Variants in FNTB observed in about 807,000 individuals in gnomAD.
FNTB encodes the protein farnesyltransferase, CAAX box, subunit beta.
A neutral mutation model predicts 59.4 loss-of-function variants in FNTB; 27 were observed. The ratio of observed to expected loss-of-function variants is 0.45; its 90% confidence interval spans 0.34 to 0.63. The LOEUF is 0.63. Ranked by LOEUF, FNTB falls within the 20% of genes least tolerant of loss-of-function variation. FNTB has a pLI of 0.02. For synonymous variants in FNTB, 230 were observed against 220.7 expected, an observed-to-expected ratio of 1.04 and a Z score of -0.37; for missense variants, 449 against 559.6, an observed-to-expected ratio of 0.80 and a Z score of 1.99.
In FNTB at chr14:65,009,767, T is replaced by C. The variant is rs897244287; in HGVS notation, c.210-2550T>C. Among the ~76,000 whole-genome samples, 8 of 152,206 alleles carry C rather than the reference T, an allele frequency of 5.3e-5. No individual in the cohort carries two copies. The highest frequency in any genetic ancestry group is 1.9e-4 in the African/African-American group (8 of 41,446). On this transcript the variant is annotated intron_variant, in intron 2 of 11. Coordinates refer to ENST00000246166, the MANE Select transcript of FNTB (RefSeq NM_002028.4). The surrounding 1 kb of genome is among the most constrained non-coding windows in gnomAD (Gnocchi z 4.2). ...TGGTGTTTTCTTCATTTTGCCTGCTTAACTCATGTCTTTCCAGCCTTAAAC... is the reference window on the plus strand; with the variant it reads ...TGGTGTTTTCTTCATTTTGCCTGCTCAACTCATGTCTTTCCAGCCTTAAAC...
chr14:65,022,895 C>G (rs983511842), intron 4 of FNTB, among the ~76,000 whole-genome samples: 2 of 152,160 alleles, frequency 1.3e-5, no homozygotes, highest in Admixed American at 6.5e-5. Flanking sequence ...ACCCATCCCC[C>G]ACCCCTGCCA....
intron 4 of FNTB, among the ~76,000 whole-genome samples, chr14:65,022,648 C>T (rs996321674): frequency 2.7e-4 from 41 of 150,478 alleles, no homozygotes; most frequent in Admixed American, 2.4e-3. Flanking sequence ...ATTACAGGCA[C>T]GAGCCACCAC....
At position 65,027,231 on chromosome 14, in the gene FNTB, G is replaced by A. The variant is rs140317821; in HGVS notation, c.375-222G>A. 1.3e-3 allele frequency among the ~76,000 whole-genome samples: 194 copies of A among 152,310 alleles called. 1 individual carries two copies. The highest frequency in any genetic ancestry group is 4.6e-3 in the African/African-American group (191 of 41,568). ...GTTCCCTGCTTCATGACCAACAAGC[G>A]CTTAAGTACGAAACTCAGAGGAGGG... is the stretch of plus-strand genomic sequence containing the variant. On this transcript the variant is annotated intron_variant, in intron 4 of 11. Transcript: ENST00000246166. This position sits in a 1 kb window ranked among gnomAD's most constrained non-coding sequence, Gnocchi z 5.7.
intron 4 of FNTB, among the ~76,000 whole-genome samples, chr14:65,016,144 G>A (rs1478138422): frequency 2.0e-5 from 3 of 152,120 alleles, no homozygotes; most frequent in African/African-American, 7.2e-5. Context: ...CCCCGCTCCC[G>A]GTGCTTGGAG....
In FNTB at chr14:65,011,432, A is replaced by G. The variant is rs77181653; in HGVS notation, c.210-885A>G. Among the ~76,000 whole-genome samples, 2 of 92,442 alleles carry G rather than the reference A, an allele frequency of 2.2e-5. No individual in the cohort carries two copies. Among genetic ancestry groups the G allele is most frequent in the South Asian group, 3.8e-4 (1 of 2,640 alleles). The allele number at this position is 92,442 out of a possible 152,430, so 60.6% of individuals were successfully genotyped here. A position where few individuals can be genotyped will look rare whatever the true frequency, so the allele number is the denominator to read the frequency against. On this transcript the variant is annotated intron_variant, in intron 2 of 11. Coordinates refer to ENST00000246166, the MANE Select transcript of FNTB (RefSeq NM_002028.4). This position sits in a 1 kb window ranked among gnomAD's most constrained non-coding sequence, Gnocchi z 4.0. ...TGACAGAGCGAGACTCCGTCTCAGG[A>G]AAAAAAAAAAAAAAAAAAAAGACTG...
In FNTB at chr14:64,987,473, A is replaced by G. The variant is rs963640578; in HGVS notation, c.144+376A>G. 7 of 231,280 alleles carry G rather than the reference A, an allele frequency of 3.0e-5. No individual in the cohort carries two copies. In the South Asian group the frequency reaches 3.4e-4, roughly 11 times the overall value. The allele number at this position is 231,280 out of a possible 1,614,324, so 14.3% of individuals were successfully genotyped here. A position where few individuals can be genotyped will look rare whatever the true frequency, so the allele number is the denominator to read the frequency against. On this transcript the variant is annotated intron_variant, in intron 1 of 11. Coordinates refer to ENST00000246166, the MANE Select transcript of FNTB (RefSeq NM_002028.4). ...TGGGGTGCATAGTGCACTTTTCCCA[A>G]CCTGCCCTCAGCTTCTGGAGGCAGA...
chr14:64,991,378 G>A lies in FNTB; in HGVS notation c.144+4281G>A, dbSNP rs1888191943. On this transcript the variant is annotated intron_variant, in intron 1 of 11. Coordinates refer to ENST00000246166, the MANE Select transcript of FNTB (RefSeq NM_002028.4). The surrounding 1 kb of genome is among the most constrained non-coding windows in gnomAD (Gnocchi z 4.4). The stretch of plus-strand genomic sequence containing the variant: ...GCACTTTGGGAGGCTGAGGCTGGCG[G>A]ATCACTGGAGGTCAGGAGTTTGAGA... 6.6e-6 allele frequency among the ~76,000 whole-genome samples: 1 copy of A among 152,142 alleles called. No homozygotes were observed. Among genetic ancestry groups the A allele is most frequent in the Admixed American group, 6.5e-5 (1 of 15,276 alleles).
In FNTB at chr14:65,044,970, C is replaced by T. The variant is rs377285677; in HGVS notation, c.955+527C>T. Among the ~76,000 whole-genome samples, 4 of 152,258 alleles carry T rather than the reference C, an allele frequency of 2.6e-5. No homozygotes were observed. The highest frequency in any genetic ancestry group is 7.2e-5 in the African/African-American group (3 of 41,544). The stretch of plus-strand genomic sequence containing the variant: ...TGTCTGACTGGCTGCAGAGTTGTCA[C>T]TATTAGAAATGTTTTATTTTACATT... On this transcript the variant is annotated intron_variant, in intron 9 of 11. Coordinates refer to ENST00000246166, the MANE Select transcript of FNTB (RefSeq NM_002028.4). The surrounding 1 kb of genome is among the most constrained non-coding windows in gnomAD (Gnocchi z 5.5).
In FNTB at chr14:65,044,114, G is replaced by A. The variant is rs544356940; in HGVS notation, c.823-197G>A. 3.3e-5 allele frequency among the ~76,000 whole-genome samples: 5 copies of A among 152,254 alleles called. No homozygotes were observed. The highest frequency in any genetic ancestry group is 1.9e-4 in the East Asian group (1 of 5,184). ...GATCAGTGCTGGATGCCTCTACAGCGTTGGCTTAAATGCTTCACTCTGTGT... is the reference window on the plus strand; with the variant it reads ...GATCAGTGCTGGATGCCTCTACAGCATTGGCTTAAATGCTTCACTCTGTGT... On this transcript the variant is annotated intron_variant, in intron 8 of 11. Transcript: ENST00000246166. This position sits in a 1 kb window ranked among gnomAD's most constrained non-coding sequence, Gnocchi z 5.5.
Position 65,026,283 on chromosome 14 carries a change from G to A in FNTB, c.375-1170G>A, listed in dbSNP as rs186634234. ...TTTCTGGTGCACTTCGGAAGACCCC[G>A]GACTGATGATAGGGCTCTCTTGATT... is the stretch of plus-strand genomic sequence containing the variant. On this transcript the variant is annotated intron_variant, in intron 4 of 11. Coordinates refer to ENST00000246166, the MANE Select transcript of FNTB (RefSeq NM_002028.4). 1.6e-4 allele frequency among the ~76,000 whole-genome samples: 24 copies of A among 152,270 alleles called. No homozygotes were observed. In the East Asian group the frequency reaches 2.9e-3, roughly 18 times the overall value.
Position 65,061,288 on chromosome 14 carries a change from A to G in FNTB, c.1290A>G (p.Thr430=), listed in dbSNP as rs763613676. ...VPGFEELKDE[T]SAEPATD The stretch of plus-strand genomic sequence containing the variant: ...GTTTTGAGGAGCTTAAGGATGAGAC[A>G]TCGGCAGAGCCTGCAACCGACTAGA... The change falls in exon 12 of 12, where the codon ACA becomes ACG. Residue 430 remains threonine (T), a synonymous_variant. Transcript: ENST00000246166. The G allele has an allele frequency of 5.0e-6, 8 of 1,614,066 alleles. No homozygotes were observed. Among genetic ancestry groups the G allele is most frequent in the East Asian group, 2.2e-5 (1 of 44,888 alleles).
chr14:65,022,063 C>T (rs1006761052), intron 4 of FNTB: 21 of 455,878 alleles, frequency 4.6e-5, no homozygotes, highest in Admixed American at 2.4e-4. Flanking sequence ...AGAGGCCACC[C>T]GGAATCAACA....
In FNTB at chr14:65,053,317, C is replaced by T; in HGVS notation, c.1035C>T (p.Cys345=). ...AGTACATCCTGATGTGCTGCCAGTG[C>T]CCTGCGGGGGGGCTTCTGGATAAAC... ...LQEYILMCCQ[C]PAGGLLDKPG... Residue 345 remains cysteine, a synonymous_variant, in exon 10 of 12, where the codon TGC becomes TGT. Coordinates refer to ENST00000246166, the MANE Select transcript of FNTB (RefSeq NM_002028.4). The T allele has an allele frequency of 6.9e-7, 1 of 1,446,090 alleles. No individual in the cohort carries two copies. The highest frequency in any genetic ancestry group is 9.2e-7 in the Non-Finnish European group (1 of 1,092,262). 89.6% of individuals were successfully genotyped at this position (1,446,090 alleles called of 1,614,324 possible). A position where few individuals can be genotyped will look rare whatever the true frequency, so the allele number is the denominator to read the frequency against.
chr14:65,013,755 C>T (rs1219083049), intron 3 of FNTB, among the ~76,000 whole-genome samples: 2 of 152,150 alleles, frequency 1.3e-5, no homozygotes, highest in African/African-American at 4.8e-5. Flanking sequence ...ACCATATTGG[C>T]CAGGCTGGTC....
At position 65,027,927 on chromosome 14, in the gene FNTB, A is replaced by G; in HGVS notation, c.605+146A>G. On this transcript the variant is annotated intron_variant, in intron 6 of 11. Transcript: ENST00000246166. The surrounding 1 kb of genome is among the most constrained non-coding windows in gnomAD (Gnocchi z 5.7). ...GGATGACATGTCAGTGACACGTCAG[A>G]ATCATTCAGATGTGATGCAGATGTC... The G allele has an allele frequency of 1.0e-6, 1 of 1,003,746 alleles. No homozygotes were observed. Among genetic ancestry groups the G allele is most frequent in the Non-Finnish European group, 1.5e-6 (1 of 675,720 alleles). The allele number at this position is 1,003,746 out of a possible 1,614,324, so 62.2% of individuals were successfully genotyped here.
At position 65,032,614 on chromosome 14, in the gene FNTB, G is replaced by A. The variant is rs755094258; in HGVS notation, c.610G>A (p.Ala204Thr). The A allele has an allele frequency of 1.5e-5, 24 of 1,613,308 alleles. No homozygotes were observed. Among genetic ancestry groups the A allele is most frequent in the African/African-American group, 2.7e-5 (2 of 74,916 alleles). The change falls in exon 7 of 12, where the codon GCA (alanine) becomes ACA (threonine). Residue 204 changes from alanine to threonine, a missense_variant. Physicochemically the swap from Ala to Thr is moderately conservative, Grantham distance 58 (BLOSUM62 0). This residue lies in a region of FNTB where 337 missense variants were observed against 479.1 expected (regional missense o/e 0.70). Transcript: ENST00000246166. The surrounding 1 kb of genome is among the most constrained non-coding windows in gnomAD (Gnocchi z 5.0). ...HVGGEVDVRS[A>T]YCAASVASLT... ...TTCCCGTTTCTGTCTTTCCAGAAGC[G>A]CATACTGTGCTGCCTCCGTAGCCTC...
intron 9 of FNTB, among the ~76,000 whole-genome samples, chr14:65,048,673 T>G (rs760453548): frequency 6.6e-6 from 1 of 152,110 alleles, no homozygotes; most frequent in Non-Finnish European, 1.5e-5. Flanking sequence ...GGCAATATAG[T>G]GAGAGCTTGT....
chr14:65,057,237 A>G (rs1006599457), intron 11 of FNTB, among the ~76,000 whole-genome samples: 5 of 152,148 alleles, frequency 3.3e-5, no homozygotes, highest in African/African-American at 1.2e-4. Flanking sequence ...CATCCAAACC[A>G]TAGCATTTTG....
rs1432566337 is a variant in FNTB at position 65,007,369 on chromosome 14, G to A, written c.209+3056G>A. ...TCTAGATGGCAGGGCTTGTTTGTGT[G>A]TCTGAGGTCATGATGCTGATCAAAT... On this transcript the variant is annotated intron_variant, in intron 2 of 11. Transcript: ENST00000246166. The surrounding 1 kb of genome is among the most constrained non-coding windows in gnomAD (Gnocchi z 4.9). 6.6e-6 allele frequency among the ~76,000 whole-genome samples: 1 copy of A among 152,210 alleles called. No homozygotes were observed. The highest frequency in any genetic ancestry group is 6.5e-5 in the Admixed American group (1 of 15,280).
Sources: gnomAD v4.1 joint callset for allele counts (sites outside exome capture counted in the v4.1 genomes callset) on GRCh38, gnomAD v4.1.1 for gene constraint, gnomAD v4.1.1 regional missense constraint, Gnocchi (gnomAD v3.1) non-coding constraint, MANE v1.5 for transcripts, NCBI Gene and HGNC (gene_info 2026-07-23, HGNC 2026-07-21) for gene names.